Variants in MTA3 observed in about 807,000 individuals in gnomAD.
The protein encoded by MTA3 is metastasis associated 1 family member 3.
Under a neutral mutation model 83.5 loss-of-function variants are expected in MTA3, and 34 were observed. The ratio of observed to expected loss-of-function variants is 0.41; its 90% CI spans 0.31 to 0.54. MTA3 has a LOEUF of 0.54. MTA3 is among the 20% of genes least tolerant of loss of function. MTA3 has a pLI of 0.33. For synonymous variants in MTA3, 303 were observed against 252.7 expected (o/e 1.20, Z -1.89); for missense variants, 761 against 726.4 (o/e 1.05, Z -0.55).
intron 3 of MTA3, among the ~76,000 whole-genome samples, chr2:42,601,584 T>TA (rs1194308163): frequency 6.6e-6 from 1 of 152,152 alleles, no homozygotes; most frequent in Non-Finnish European, 1.5e-5. Flanking sequence ...CATGAGGTGT[T>TA]ACTATATTGC....
chr2:42,633,888 C>CAAA (rs749085536), intron 4 of MTA3, among the ~76,000 whole-genome samples: 1 of 101,144 alleles, frequency 9.9e-6, no homozygotes, highest in African/African-American at 3.7e-5. Flanking sequence ...GACTCTGTCT[C>CAAA]AAAAAAAAAA....
chr2:42,742,288 G>A (rs1325380302), intron 16 of MTA3, among the ~76,000 whole-genome samples: 9 of 152,002 alleles, frequency 5.9e-5, no homozygotes, highest in Admixed American at 2.6e-4. Context: ...ACAGGCATCC[G>A]TCACCACACC....
At chr2:42,602,634 G>A (rs529768568) in intron 3 of MTA3, among the ~76,000 whole-genome samples, 1 of 152,300 alleles carries the variant, frequency 6.6e-6, no homozygotes, top group African/African-American at 2.4e-5. Flanking sequence ...GGGCTAGGGT[G>A]ATCAAATTGT....
At chr2:42,669,856 T>C (rs546093980) in intron 8 of MTA3, among the ~76,000 whole-genome samples, 1 of 152,360 alleles carries the variant, frequency 6.6e-6, no homozygotes, top group Admixed American at 6.5e-5. Context: ...AAAGGCACTG[T>C]AGATTTGAAC....
At chr2:42,663,698 G>T (rs542291915) in intron 8 of MTA3, among the ~76,000 whole-genome samples, 1 of 152,272 alleles carries the variant, frequency 6.6e-6, no homozygotes, top group East Asian at 1.9e-4. Context: ...CAAGAAGTTC[G>T]AGGCTGCAGT....
chr2:42,615,912 G>C (rs1470873714), intron 4 of MTA3, among the ~76,000 whole-genome samples: 6 of 150,982 alleles, frequency 4.0e-5, no homozygotes, highest in Admixed American at 2.0e-4. Context: ...AGTAGAGACA[G>C]GGTTTCCCCA....
At chr2:42,543,160 T>C (rs1353845339) in intron 2 of MTA3, among the ~76,000 whole-genome samples, 10 of 152,056 alleles carry the variant, frequency 6.6e-5, no homozygotes, top group Non-Finnish European at 1.5e-5. Flanking sequence ...GAATTCAGGA[T>C]CTGAAAAACA....
chr2:42,515,250 G>C (rs1044323830), intron 2 of MTA3, among the ~76,000 whole-genome samples: 19 of 151,918 alleles, frequency 1.3e-4, no homozygotes, highest in Admixed American at 1.0e-3. Context: ...GTAGAGACAG[G>C]GTTTCACCCT....
rs376192924 is a variant in MTA3, at chr2:42,665,102, A to T, written c.702+5240A>T. Among the ~76,000 whole-genome samples, 38 of 152,358 alleles carry T rather than the reference A, an allele frequency of 2.5e-4. No homozygotes were observed. In the East Asian group the frequency reaches 2.7e-3, roughly 11 times the overall value. On this transcript the variant is annotated intron_variant, in intron 8 of 16. Transcript: ENST00000405094. Reference sequence around the variant, plus strand: ...ATATAAGATCTGTTTTATACAATATACAAAGAAGAATATAGGGCTGGGCAG... The same window carrying T: ...ATATAAGATCTGTTTTATACAATATTCAAAGAAGAATATAGGGCTGGGCAG...
Position 42,548,505 on chromosome 2 carries a change from A to T in MTA3, c.-140-21932A>T, listed in dbSNP as rs184639883. On this transcript the variant is annotated intron_variant, in intron 2 of 17. Transcript: ENST00000405592. ...TACATAAAATTAAAATGCAAATATTAAATGGGCTGGGCATGGTGGCTCACG... is the reference window on the plus strand; with the variant it reads ...TACATAAAATTAAAATGCAAATATTTAATGGGCTGGGCATGGTGGCTCACG... 1.1e-3 allele frequency among the ~76,000 whole-genome samples: 169 copies of T among 151,778 alleles called. 6 individuals are homozygous for T. In the East Asian group the frequency reaches 0.029, roughly 26 times the overall value.
intron 11 of MTA3, among the ~76,000 whole-genome samples, chr2:42,698,131 G>A (rs535003234): frequency 6.6e-6 from 1 of 152,282 alleles, no homozygotes; most frequent in South Asian, 2.1e-4. Flanking sequence ...AAGCAAATGT[G>A]TTTCAGAAAG....
rs139366837 is a variant in MTA3, at chr2:42,643,489, C to T, written c.382-638C>T. On this transcript the variant is annotated intron_variant, in intron 5 of 16. Transcript: ENST00000405094. Reference sequence around the variant, plus strand: ...AGGACTGGAAATTTTGGTGTGTATGCTGTTGGTGAGCATGTATATAGCTAT... The same window carrying T: ...AGGACTGGAAATTTTGGTGTGTATGTTGTTGGTGAGCATGTATATAGCTAT... 3.7e-3 allele frequency among the ~76,000 whole-genome samples: 559 copies of T among 152,138 alleles called. 4 individuals carry two copies. The highest frequency in any genetic ancestry group is 0.013 in the African/African-American group (534 of 41,514).
intron 16 of MTA3, among the ~76,000 whole-genome samples, chr2:42,746,925 T>C (rs766655317): frequency 6.6e-6 from 1 of 151,958 alleles, no homozygotes; most frequent in African/African-American, 2.4e-5. Flanking sequence ...AGAAATGTGA[T>C]TGGACAAAAA....
intron 16 of MTA3, among the ~76,000 whole-genome samples, chr2:42,729,248 C>G (rs1252306373): frequency 6.6e-6 from 1 of 151,560 alleles, no homozygotes; most frequent in African/African-American, 2.4e-5. Context: ...AGGCGCCCAC[C>G]ACCACGCCCG....
intron 4 of MTA3, among the ~76,000 whole-genome samples, chr2:42,625,634 C>G (rs559104248): frequency 1.3e-5 from 2 of 149,240 alleles, no homozygotes; most frequent in African/African-American, 2.5e-5. Context: ...GTAGTCCCAG[C>G]TACTAAGGAG....
At chr2:42,588,182 C>T (rs1041420167) in intron 3 of MTA3, among the ~76,000 whole-genome samples, 7 of 152,150 alleles carry the variant, frequency 4.6e-5, no homozygotes, top group African/African-American at 1.7e-4. Context: ...TACCTCATTG[C>T]TAGAATGAGA....
At position 42,540,972 on chromosome 2, in the gene MTA3, A is replaced by G. The variant is rs1572950554; in HGVS notation, c.-140-29465A>G. The stretch of plus-strand genomic sequence containing the variant: ...CTGACTTATGATGGTTCAACTTAAG[A>G]TTTTTCGACTTCATGATGGTACAAA... On this transcript the variant is annotated intron_variant, in intron 2 of 17. Coordinates refer to the MTA3 transcript ENST00000405592. 2.0e-5 allele frequency among the ~76,000 whole-genome samples: 3 copies of G among 151,910 alleles called. No individual in the cohort carries two copies. In the South Asian group the frequency reaches 6.2e-4, roughly 32 times the overall value.
chr2:42,636,789 G>C (rs1475952330), intron 4 of MTA3, among the ~76,000 whole-genome samples: 1 of 151,788 alleles, frequency 6.6e-6, no homozygotes, highest in Non-Finnish European at 1.5e-5. Context: ...ACCACTCCCA[G>C]CTAATTTTTG....
intron 5 of MTA3, among the ~76,000 whole-genome samples, chr2:42,643,310 G>A (rs912241508): frequency 1.4e-4 from 22 of 152,120 alleles, no homozygotes; most frequent in African/African-American, 4.1e-4. Context: ...CTGGGCAGCC[G>A]ATAACCTTTG....
Sources: allele counts gnomAD v4.1 joint callset (sites outside exome capture counted in the v4.1 genomes callset), GRCh38; gene constraint gnomAD v4.1.1; transcripts MANE v1.5; gene names NCBI Gene and HGNC (gene_info 2026-07-23, HGNC 2026-07-21).